The following TIAM2 variants were observed in gnomAD, a reference collection of about 807,000 sequenced individuals.
TIAM2 encodes the protein TIAM Rac1 associated GEF 2, also known as rho guanine nucleotide exchange factor TIAM2.
TIAM2 carries 80 observed loss-of-function variants against 152.9 expected under a neutral mutation model. The ratio of observed to expected loss-of-function variants is 0.52; its 90% CI spans 0.44 to 0.63. TIAM2 has a LOEUF of 0.63. Among genes scored for constraint, TIAM2 ranks in the 30% least tolerant of loss-of-function variants. The pLI, the probability that TIAM2 is intolerant of heterozygous loss-of-function variation, is 0.00. For synonymous variants in TIAM2, 804 were observed against 838.0 expected (o/e 0.96, Z 0.70); for missense variants, 1,965 against 2,120.1 (o/e 0.93, Z 1.44).
At chr6:155,016,606 C>A (rs1031732755) in intron 1 of TIAM2, among the ~76,000 whole-genome samples, 18 of 123,400 alleles carry the variant, frequency 1.5e-4, no homozygotes, top group South Asian at 2.5e-4. Flanking sequence ...ATTAAAAAAA[C>A]CAGACTGCTC....
chr6:155,090,639 A>G lies in TIAM2; in HGVS notation c.-118+260A>G, dbSNP rs111349896. 3.5e-3 allele frequency among the ~76,000 whole-genome samples: 537 copies of G among 152,290 alleles called. 5 individuals carry two copies. The highest frequency in any genetic ancestry group is 0.012 in the African/African-American group (507 of 41,564). On this transcript the variant is annotated intron_variant, in intron 2 of 26. Coordinates refer to ENST00000682666, the MANE Select transcript of TIAM2 (RefSeq NM_012454.4). The stretch of plus-strand genomic sequence containing the variant: ...GGTCCACTCAGTGTGGAAAACGGGT[A>G]TGCCAGGCCTCTCTGGGACCTTAGG...
intron 1 of TIAM2, among the ~76,000 whole-genome samples, chr6:155,070,007 A>G (rs77995478): frequency 0.016 from 2,404 of 149,382 alleles, 62 homozygotes; most frequent in African/African-American, 0.056. Context: ...CTGGCAGTCA[A>G]GCAATTCCTG....
At chr6:155,222,631 AC>A (rs60980026) in intron 15 of TIAM2, among the ~76,000 whole-genome samples, 93,176 of 148,432 alleles carry the variant, frequency 0.63, 29,717 homozygotes, top group Middle Eastern at 0.69. Flanking sequence ...AAAAAAAAAC[AC>A]AAAAAAAACC....
chr6:155,143,046 G>C (rs1156933191), intron 5 of TIAM2, among the ~76,000 whole-genome samples: 1 of 152,200 alleles, frequency 6.6e-6, no homozygotes, highest in Non-Finnish European at 1.5e-5. Context: ...ACCGTGAAGT[G>C]GGCCCCAGGC....
chr6:155,043,665 T>C (rs2018154), intron 1 of TIAM2, among the ~76,000 whole-genome samples: 89,202 of 144,752 alleles, frequency 0.62, 27,756 homozygotes, highest in East Asian at 0.68. Flanking sequence ...AAAGGATCTG[T>C]AAGGCAAGGA....
At chr6:155,041,579 A>C (rs532191812) in intron 1 of TIAM2, among the ~76,000 whole-genome samples, 42 of 152,348 alleles carry the variant, frequency 2.8e-4, no homozygotes, top group South Asian at 2.1e-4. Context: ...TAAAAAAAGA[A>C]GAAAGTCTTA....
intron 1 of TIAM2, among the ~76,000 whole-genome samples, chr6:155,027,328 T>TATATATATA (rs1240745096): frequency 6.8e-6 from 1 of 147,350 alleles, no homozygotes; most frequent in African/African-American, 2.5e-5. Context: ...ACCTGTATAT[T>TATATATATA]ATATATATAA....
chr6:155,072,324 G>A (rs1777856315), intron 1 of TIAM2, among the ~76,000 whole-genome samples: 1 of 152,230 alleles, frequency 6.6e-6, no homozygotes, highest in South Asian at 2.1e-4. Context: ...AACAACCGAG[G>A]CATCGGGCTA....
chr6:155,221,110 G>GTTTT, intron 15 of TIAM2, among the ~76,000 whole-genome samples: 1 of 98,962 alleles, frequency 1.0e-5, no homozygotes, highest in Non-Finnish European at 2.1e-5. Flanking sequence ...CTTTCATCTT[G>GTTTT]TTTTTTTTTT....
intron 6 of TIAM2, among the ~76,000 whole-genome samples, chr6:155,147,868 C>A (rs934117173): frequency 1.3e-5 from 2 of 152,216 alleles, no homozygotes; most frequent in Non-Finnish European, 2.9e-5. Flanking sequence ...TTGGCTAGCA[C>A]TCGTTTCTGG....
intron 15 of TIAM2, among the ~76,000 whole-genome samples, chr6:155,233,477 A>G (rs1419368124): frequency 6.6e-6 from 1 of 152,176 alleles, no homozygotes; most frequent in Non-Finnish European, 1.5e-5. Flanking sequence ...CGTCCTAAGC[A>G]GTTTTCTTGC....
intron 1 of TIAM2, among the ~76,000 whole-genome samples, chr6:155,029,103 ATGTGT>A (rs1418033079): frequency 8.4e-6 from 1 of 118,926 alleles, no homozygotes; most frequent in East Asian, 2.7e-4. Flanking sequence ...TGTATATACT[ATGTGT>A]TATATATACA....
At chr6:155,242,426 C>T (rs1214168294) in intron 16 of TIAM2, among the ~76,000 whole-genome samples, 1 of 152,218 alleles carries the variant, frequency 6.6e-6, no homozygotes, top group South Asian at 2.1e-4. Flanking sequence ...GATTCAGTAA[C>T]TTCCATCATC....
At chr6:155,234,561 G>A (rs1452173276) in intron 15 of TIAM2, among the ~76,000 whole-genome samples, 1 of 152,142 alleles carries the variant, frequency 6.6e-6, no homozygotes, top group African/African-American at 2.4e-5. Flanking sequence ...TGCCACCATG[G>A]CCGGCTAATT....
chr6:155,210,381 C>T (rs987090254), intron 14 of TIAM2, among the ~76,000 whole-genome samples: 5 of 151,708 alleles, frequency 3.3e-5, no homozygotes, highest in Admixed American at 1.3e-4. Context: ...TGCAGTGGCA[C>T]GATTACTGCT....
chr6:155,101,895 G>A (rs568997455), intron 2 of TIAM2, among the ~76,000 whole-genome samples: 7 of 152,146 alleles, frequency 4.6e-5, no homozygotes, highest in Middle Eastern at 3.4e-3. Flanking sequence ...GTAGAGATGC[G>A]GTTTCACCAT....
chr6:155,169,556 A>T (rs368249856), intron 9 of TIAM2, among the ~76,000 whole-genome samples: 1 of 152,248 alleles, frequency 6.6e-6, no homozygotes, highest in South Asian at 2.1e-4. Context: ...CAGTGAATAC[A>T]AAATTGCATT....
At chr6:155,180,060 A>C (rs1005758817) in intron 12 of TIAM2, among the ~76,000 whole-genome samples, 8 of 152,152 alleles carry the variant, frequency 5.3e-5, no homozygotes, top group African/African-American at 9.7e-5. Flanking sequence ...CGGGCAGATC[A>C]CCTGAGGTCG....
At chr6:155,161,874 G>A (rs71558239) in intron 7 of TIAM2, among the ~76,000 whole-genome samples, 19,120 of 151,130 alleles carry the variant, frequency 0.13, 1,300 homozygotes, top group Admixed American at 0.19. Context: ...CATCACTCCC[G>A]GCCTTTTTTG....
Sources: gnomAD v4.1 joint callset for allele counts (sites outside exome capture counted in the v4.1 genomes callset) on GRCh38, gnomAD v4.1.1 for gene constraint, MANE v1.5 for transcripts, NCBI Gene and HGNC (gene_info 2026-07-23, HGNC 2026-07-21) for gene names.